ARAP2: variants seen among roughly 807,000 people sequenced by gnomAD.
ARAP2 encodes the protein ArfGAP with RhoGAP domain, ankyrin repeat and PH domain 2.
ARAP2 carries 148 observed loss-of-function variants against 194.5 expected under a neutral mutation model. The observed-to-expected ratio is 0.76, with a 90% CI of 0.67 to 0.87. The LOEUF (loss-of-function observed/expected upper bound fraction) is 0.87, where lower values mean the gene tolerates loss of function less well. Among genes scored for constraint, ARAP2 ranks in the 40% least tolerant of loss-of-function variants. The pLI is 0.00. For synonymous variants in ARAP2, 695 were observed against 683.5 expected, an observed-to-expected ratio of 1.02 and a Z score of -0.26; for missense variants, 2,128 against 1,989.7, an observed-to-expected ratio of 1.07 and a Z score of -1.32.
At chr4:36,101,984 GCT>G (rs2109435560) in intron 27 of ARAP2, among the ~76,000 whole-genome samples, 1 of 16,996 alleles carries the variant, frequency 5.9e-5, no homozygotes, top group Non-Finnish European at 1.1e-4. Context: ...ACGTGGCATT[GCT>G]CTCTTTCTTG....
chr4:36,018,684 G>C lies in ARAP2; in HGVS notation n.750+460C>G, dbSNP rs75939775. ...ACTTTTCCCACCTTCCATCTAAATA[G>C]AACATTAGCTGAGCATATACTTCCT... is the stretch of plus-strand genomic sequence containing the variant. On this transcript the variant is annotated intron_variant and non_coding_transcript_variant, in intron 6 of 12. Coordinates refer to the ARAP2 transcript ENST00000503225. 7.9e-3 allele frequency among the ~76,000 whole-genome samples: 1,202 copies of C among 152,136 alleles called. 16 individuals carry two copies. Among genetic ancestry groups the C allele is most frequent in the African/African-American group, 0.027 (1,132 of 41,472 alleles).
chr4:36,167,144 T>C (rs1042401926), intron 9 of ARAP2, 97 bp from the exon 10 acceptor site: 1 of 750,482 alleles, frequency 1.3e-6, no homozygotes, highest in Non-Finnish European at 2.1e-6. Flanking sequence ...TTCTACCAAA[T>C]TTTACAACAA....
intron 15 of ARAP2, among the ~76,000 whole-genome samples, chr4:36,154,943 G>C (rs1731892689): frequency 6.6e-6 from 1 of 151,998 alleles, no homozygotes; most frequent in South Asian, 2.1e-4. Flanking sequence ...AAACTTCAAG[G>C]GTGAAAAAGA....
Position 36,084,793 on chromosome 4 carries a change from T to A in ARAP2, c.4426-1343A>T, listed in dbSNP as rs756959359. On this transcript the variant is annotated intron_variant, in intron 28 of 32. Transcript: ENST00000303965. ...CTGTGGTGACCAAAGGCCTGGAATT[T>A]ACATGGTGAATTTATTCCTAATCAC... Among the ~76,000 whole-genome samples the A allele has an allele frequency of 1.2e-4, 18 of 152,190 alleles. 1 individual carries two copies. The highest frequency in any genetic ancestry group is 6.6e-4 in the Admixed American group (10 of 15,260).
rs922045664 is a variant in ARAP2 at position 36,040,673 on chromosome 4, T to C, written n.607+5306A>G. 2.2e-5 allele frequency among the ~76,000 whole-genome samples: 3 copies of C among 135,092 alleles called. 1 individual carries two copies. Among genetic ancestry groups the C allele is most frequent in the Non-Finnish European group, 4.8e-5 (3 of 61,950 alleles). 88.6% of individuals were successfully genotyped at this position (135,092 alleles called of 152,430 possible). A position where few individuals can be genotyped will look rare whatever the true frequency, so the allele number is the denominator to read the frequency against. ...CGTTGGTGTATAGGAATGCTAGTGATGTTTGTACATTGATTTTGTATCTAG... is the reference window on the plus strand; with the variant it reads ...CGTTGGTGTATAGGAATGCTAGTGACGTTTGTACATTGATTTTGTATCTAG... On this transcript the variant is annotated intron_variant and non_coding_transcript_variant, in intron 5 of 12. Coordinates refer to the ARAP2 transcript ENST00000503225.
chr4:36,133,383 T>A lies in ARAP2; in HGVS notation c.3270A>T (p.Leu1090Phe), dbSNP rs757243875. The part of the protein sequence containing the change: ...VLLLVEKGRT[L>F]YIHGHTKLDF... ...CCAACTTGGTATGCCCATGGATGTA[T>A]AATGTTCTGTAAAGTTTAAAAAGCA... The change falls in exon 20 of 33, where the codon TTA becomes TTT. Residue 1090 changes from leucine to phenylalanine, a missense_variant. Transcript: ENST00000303965. 9 of 1,605,150 alleles carry A rather than the reference T, an allele frequency of 5.6e-6. No individual in the cohort carries two copies. Among genetic ancestry groups the A allele is most frequent in the Non-Finnish European group, 6.0e-6 (7 of 1,176,164 alleles).
At chr4:36,143,582 G>C (rs1728882085) in intron 19 of ARAP2, among the ~76,000 whole-genome samples, 2 of 151,698 alleles carry the variant, frequency 1.3e-5, no homozygotes, top group African/African-American at 4.8e-5. Flanking sequence ...CTTGGCACAT[G>C]GTAACTGCCC....
At chr4:36,035,683 TTCA>T (rs1170668823) in intron 5 of ARAP2, among the ~76,000 whole-genome samples, 1 of 152,124 alleles carries the variant, frequency 6.6e-6, no homozygotes, top group East Asian at 1.9e-4. Flanking sequence ...TATCAATTTG[TTCA>T]TCAATACATT....
At chr4:36,090,164 G>A (rs1713181901) in intron 28 of ARAP2, among the ~76,000 whole-genome samples, 1 of 152,008 alleles carries the variant, frequency 6.6e-6, no homozygotes, top group African/African-American at 2.4e-5. Context: ...TAGAAGAAAT[G>A]GGTATATTCC....
intron 14 of ARAP2, 101 bp from the exon 15 acceptor site, chr4:36,158,965 C>A: frequency 1.8e-6 from 2 of 1,120,422 alleles, no homozygotes; most frequent in South Asian, 4.5e-5. Context: ...AGAAAAACTA[C>A]TTCAAATTTA....
intron 19 of ARAP2, among the ~76,000 whole-genome samples, chr4:36,145,327 C>A (rs1205963692): frequency 6.6e-6 from 1 of 151,958 alleles, no homozygotes; most frequent in East Asian, 1.9e-4. Flanking sequence ...GTCATATATA[C>A]CATGGAATAC....
intron 2 of ARAP2, among the ~76,000 whole-genome samples, chr4:36,055,596 C>T (rs1266978160): frequency 6.6e-6 from 1 of 152,060 alleles, no homozygotes; most frequent in Non-Finnish European, 1.5e-5. Flanking sequence ...TGGAGTCTCA[C>T]TCTGTCGCCC....
intron 1 of ARAP2, among the ~76,000 whole-genome samples, chr4:36,240,897 T>C (rs1178586383): frequency 6.6e-6 from 1 of 152,206 alleles, no homozygotes; most frequent in Admixed American, 6.5e-5. Flanking sequence ...TTACTTAGTA[T>C]AAGAACATAT....
chr4:36,202,391 T>C (rs1744548361), intron 6 of ARAP2, among the ~76,000 whole-genome samples: 1 of 151,998 alleles, frequency 6.6e-6, no homozygotes, highest in South Asian at 2.1e-4. Context: ...ATTTCCAAGA[T>C]TATATGAACC....
At chr4:36,093,145 G>A (rs1237369779) in intron 27 of ARAP2, among the ~76,000 whole-genome samples, 1 of 152,038 alleles carries the variant, frequency 6.6e-6, no homozygotes, top group Non-Finnish European at 1.5e-5. Flanking sequence ...ATAAGTAGGA[G>A]CTAAATGATG....
At chr4:36,150,866 C>A (rs913123746) in intron 16 of ARAP2, 34 bp downstream of exon 16, 1 of 1,588,446 alleles carries the variant, frequency 6.3e-7, no homozygotes, top group East Asian at 2.3e-5. Context: ...CTGAAAATAC[C>A]TTTTACCTCC....
chr4:36,234,478 G>A (rs940979213), intron 1 of ARAP2, among the ~76,000 whole-genome samples: 3 of 152,118 alleles, frequency 2.0e-5, no homozygotes, highest in Non-Finnish European at 2.9e-5. Flanking sequence ...GGAGCGGGGG[G>A]TGGGGGACAC....
intron 5 of ARAP2, among the ~76,000 whole-genome samples, chr4:36,037,802 T>C (rs1401478221): frequency 6.6e-6 from 1 of 152,190 alleles, no homozygotes; most frequent in Non-Finnish European, 1.5e-5. Flanking sequence ...TTGCTCTGGA[T>C]TTAAAACCAA....
chr4:36,209,625 A>C (rs945562542), intron 6 of ARAP2, among the ~76,000 whole-genome samples: 6 of 152,174 alleles, frequency 3.9e-5, no homozygotes, highest in Non-Finnish European at 5.9e-5. Context: ...AGTGAAAACC[A>C]GCACACTGTA....
Sources: gnomAD v4.1 joint callset for allele counts (sites outside exome capture counted in the v4.1 genomes callset) on GRCh38, gnomAD v4.1.1 for gene constraint, MANE v1.5 for transcripts, NCBI Gene and HGNC (gene_info 2026-07-23, HGNC 2026-07-21) for gene names.